The following KDM4C variants were observed in gnomAD, a reference collection of about 807,000 sequenced individuals.
The protein encoded by KDM4C is lysine demethylase 4C.
Under a neutral mutation model 129.3 loss-of-function variants are expected in KDM4C, and 81 were observed. The observed-to-expected ratio is 0.63, with a 90% confidence interval of 0.52 to 0.75. The LOEUF (loss-of-function observed/expected upper bound fraction) is 0.75, where lower values mean the gene tolerates loss of function less well. Ranked by LOEUF, KDM4C falls within the 30% of genes least tolerant of loss-of-function variation. The pLI, the probability that KDM4C is intolerant of heterozygous loss-of-function variation, is 0.00. For synonymous variants in KDM4C, 573 were observed against 456.1 expected (o/e 1.26, Z -3.26); for missense variants, 1,457 against 1,304.0 (o/e 1.12, Z -1.81).
intron 8 of KDM4C, among the ~76,000 whole-genome samples, chr9:6,962,396 T>A (rs1349394657): frequency 1.3e-5 from 2 of 152,166 alleles, no homozygotes; most frequent in African/African-American, 4.8e-5. Flanking sequence ...GTGAATCCAT[T>A]AATGTTCAGA....
At chr9:7,142,314 G>T (rs537705141) in intron 19 of KDM4C, among the ~76,000 whole-genome samples, 1 of 152,138 alleles carries the variant, frequency 6.6e-6, no homozygotes, top group Non-Finnish European at 1.5e-5. Flanking sequence ...TAGAGATGGG[G>T]TCTTTCGCTA....
intron 8 of KDM4C, among the ~76,000 whole-genome samples, chr9:6,909,903 T>C (rs1416219579): frequency 6.6e-6 from 1 of 152,176 alleles, no homozygotes; most frequent in Non-Finnish European, 1.5e-5. Flanking sequence ...GTGGACACCA[T>C]GAAAGAAGAT....
At chr9:6,849,928 G>T (rs1206103611) in intron 5 of KDM4C, among the ~76,000 whole-genome samples, 1 of 152,182 alleles carries the variant, frequency 6.6e-6, no homozygotes, top group East Asian at 1.9e-4. Flanking sequence ...ACAATGTTTA[G>T]ATCAATGATG....
intron 8 of KDM4C, among the ~76,000 whole-genome samples, chr9:6,929,758 G>C (rs934214011): frequency 9.9e-5 from 15 of 152,164 alleles, no homozygotes; most frequent in African/African-American, 3.4e-4. Context: ...CAAGCAGAAA[G>C]GATACTTTTG....
Position 7,097,254 on chromosome 9 carries a change from C to T in KDM4C, c.2425-6431C>T, listed in dbSNP as rs192346214. ...GCTCAGCCAGCGTGCAGCATGTCTGCCAATAAGCCTCCAGTGCAGAGTCTG... is the reference window on the plus strand; with the variant it reads ...GCTCAGCCAGCGTGCAGCATGTCTGTCAATAAGCCTCCAGTGCAGAGTCTG... On this transcript the variant is annotated intron_variant, in intron 17 of 21. Transcript: ENST00000381309. Among the ~76,000 whole-genome samples the T allele has an allele frequency of 1.3e-4, 20 of 152,344 alleles. No homozygotes were observed. In the East Asian group the frequency reaches 3.7e-3, roughly 28 times the overall value.
intron 19 of KDM4C, among the ~76,000 whole-genome samples, chr9:7,164,358 C>T (rs55678699): frequency 2.7e-5 from 4 of 150,126 alleles, no homozygotes; most frequent in African/African-American, 4.9e-5. Context: ...CTTAAAAAAA[C>T]AAAAAGCACC....
At chr9:7,092,593 C>T (rs998806820) in intron 17 of KDM4C, among the ~76,000 whole-genome samples, 7 of 152,294 alleles carry the variant, frequency 4.6e-5, no homozygotes, top group Non-Finnish European at 1.0e-4. Flanking sequence ...CTTAGAGGCA[C>T]TTTGTCTTTT....
Position 6,888,992 on chromosome 9 carries a change from T to A in KDM4C, c.783+929T>A, listed in dbSNP as rs1016061444. 1.0e-4 allele frequency among the ~76,000 whole-genome samples: 4 copies of A among 38,526 alleles called. 2 individuals carry two copies. The highest frequency in any genetic ancestry group is 3.4e-4 in the African/African-American group (2 of 5,918). The allele number at this position is 38,526 out of a possible 152,430, so 25.3% of individuals were successfully genotyped here. The stretch of plus-strand genomic sequence containing the variant: ...TTTAGTAGAGACGGGGTTTCACCGT[T>A]TTAGCCGGGATGGCCTCGATCTCCC... On this transcript the variant is annotated intron_variant, in intron 7 of 21. Transcript: ENST00000381309.
intron 17 of KDM4C, among the ~76,000 whole-genome samples, chr9:7,092,718 C>T (rs1444538072): frequency 2.0e-5 from 3 of 152,138 alleles, no homozygotes; most frequent in Admixed American, 6.5e-5. Flanking sequence ...CTTCATCTTT[C>T]ACAAAAGTCC....
intron 8 of KDM4C, among the ~76,000 whole-genome samples, chr9:6,934,537 C>CTT (rs200273386): frequency 4.0e-5 from 6 of 149,110 alleles, no homozygotes; most frequent in Admixed American, 6.6e-5. Flanking sequence ...TATCCTCTCT[C>CTT]TTTTTTTTTG....
chr9:7,128,019 C>A, intron 18 of KDM4C, 47 bp from the exon 19 acceptor site: 1 of 1,314,988 alleles, frequency 7.6e-7, no homozygotes, highest in Non-Finnish European at 9.9e-7. Flanking sequence ...CCTTTCTTTT[C>A]CTGTTCTCTT....
chr9:6,776,365 G>A (rs1823039577), intron 1 of KDM4C, among the ~76,000 whole-genome samples: 1 of 152,100 alleles, frequency 6.6e-6, no homozygotes, highest in South Asian at 2.1e-4. Context: ...CCGGGTTCAA[G>A]TGATTCCTGC....
chr9:6,768,388 G>T (rs1821074851), intron 1 of KDM4C, among the ~76,000 whole-genome samples: 1 of 151,500 alleles, frequency 6.6e-6, no homozygotes, highest in East Asian at 1.9e-4. Flanking sequence ...GAATTTTAGA[G>T]ATATTCTATA....
At chr9:7,075,510 A>G (rs925487648) in intron 17 of KDM4C, among the ~76,000 whole-genome samples, 5 of 152,152 alleles carry the variant, frequency 3.3e-5, no homozygotes, top group Admixed American at 6.5e-5. Context: ...GTTGTAAAAA[A>G]GAGTCTGGCT....
chr9:7,122,265 A>ACACACACTCTCTCTCTCT (rs375655422), intron 18 of KDM4C, among the ~76,000 whole-genome samples: 6 of 144,822 alleles, frequency 4.1e-5, no homozygotes, highest in African/African-American at 1.6e-4. Flanking sequence ...ACACACACAC[A>ACACACACTCTCTCTCTCT]CTCTCTCTCT....
chr9:6,814,567 T>G, intron 3 of KDM4C, 64 bp from the exon 4 acceptor site: 1 of 993,146 alleles, frequency 1.0e-6, no homozygotes, highest in Non-Finnish European at 1.5e-6. Flanking sequence ...TTAAATCAAT[T>G]TGGTGGGAAA....
chr9:7,062,407 A>G (rs1831823411), intron 17 of KDM4C, among the ~76,000 whole-genome samples: 1 of 151,632 alleles, frequency 6.6e-6, no homozygotes, highest in South Asian at 2.1e-4. Context: ...TTTATTTTTG[A>G]GACAGGGCCT....
intron 5 of KDM4C, among the ~76,000 whole-genome samples, chr9:6,878,944 C>T (rs1355085834): frequency 6.6e-6 from 1 of 152,158 alleles, no homozygotes; most frequent in African/African-American, 2.4e-5. Flanking sequence ...TTTGTCTTCC[C>T]ATTTCGGTTG....
At chr9:6,925,487 A>T in intron 8 of KDM4C, 1 of 738,598 alleles carries the variant, frequency 1.4e-6, no homozygotes, top group Non-Finnish European at 1.6e-6. Flanking sequence ...ATAAGGACAT[A>T]TTCTCACCAT....
Sources: gnomAD v4.1 joint callset for allele counts (sites outside exome capture counted in the v4.1 genomes callset) on GRCh38, gnomAD v4.1.1 for gene constraint, MANE v1.5 for transcripts, NCBI Gene and HGNC (gene_info 2026-07-23, HGNC 2026-07-21) for gene names.